Variants in TENM2 observed in about 807,000 individuals in gnomAD.
TENM2 encodes teneurin transmembrane protein 2.
A neutral mutation model predicts 245.2 loss-of-function variants in TENM2; 52 were observed. The ratio of observed to expected loss-of-function variants is 0.21; its 90% CI spans 0.17 to 0.27. The LOEUF is 0.27. TENM2 is among the 10% of genes least tolerant of loss of function. TENM2 has a pLI of 1.00. For missense variants in TENM2, 3,046 were observed against 3,666.8 expected (o/e 0.83, Z 4.37); for synonymous variants, 1,363 against 1,438.9 (o/e 0.95, Z 1.19).
chr5:167,607,956 GT>G (rs927247189), intron 2 of TENM2, among the ~76,000 whole-genome samples: 22 of 151,880 alleles, frequency 1.4e-4, no homozygotes, highest in Admixed American at 1.3e-3. Flanking sequence ...CTTTTACCCA[GT>G]TTTTTTTCCC....
chr5:167,301,746 C>T (rs543881826), intron 1 of TENM2, among the ~76,000 whole-genome samples: 178 of 152,222 alleles, frequency 1.2e-3, no homozygotes, highest in Middle Eastern at 0.01. Context: ...AGAGCCTAAA[C>T]GCTATCTGAT....
intron 2 of TENM2, among the ~76,000 whole-genome samples, chr5:167,443,123 A>G (rs1764962467): frequency 6.6e-6 from 1 of 152,180 alleles, no homozygotes; most frequent in Non-Finnish European, 1.5e-5. Context: ...AAGGTTTATT[A>G]TTCTGTGAAA....
At chr5:167,951,028 A>G (rs549876241) in intron 3 of TENM2, among the ~76,000 whole-genome samples, 2 of 152,328 alleles carry the variant, frequency 1.3e-5, no homozygotes, top group East Asian at 1.9e-4. Context: ...TGCGAACTTC[A>G]AGGAACCTGT....
At chr5:167,974,391 A>C (rs549558298) in intron 4 of TENM2, among the ~76,000 whole-genome samples, 1 of 128,110 alleles carries the variant, frequency 7.8e-6, no homozygotes, top group South Asian at 3.1e-4. Context: ...GGAAAGAAGG[A>C]AGGAGGGAGG....
intron 2 of TENM2, among the ~76,000 whole-genome samples, chr5:167,550,084 G>T (rs1772829237): frequency 6.6e-6 from 1 of 152,134 alleles, no homozygotes; most frequent in African/African-American, 2.4e-5. Context: ...CTAACGTTTT[G>T]CCTTCAGTCA....
rs1554115633 is a variant in TENM2 at position 167,776,181 on chromosome 5, A to ACACACACG, written c.503-99798_503-99797insGCACACAC. Among the ~76,000 whole-genome samples, 357 of 151,764 alleles carry ACACACACG rather than the reference A, an allele frequency of 2.4e-3. 1 individual carries two copies. The highest frequency in any genetic ancestry group is 3.8e-3 in the Admixed American group (58 of 15,204). On this transcript the variant is annotated intron_variant, in intron 2 of 28. Transcript: ENST00000518659. The stretch of plus-strand genomic sequence containing the variant: ...AAAATCCACACACACACACACACAC[A>ACACACACG]CACACACACAGAAGAGAAGCATTCT...
intron 9 of TENM2, among the ~76,000 whole-genome samples, chr5:168,117,176 A>G (rs1795143163): frequency 6.6e-6 from 1 of 152,146 alleles, no homozygotes; most frequent in Non-Finnish European, 1.5e-5. Flanking sequence ...GACAATCCCC[A>G]CTGATTTTCC....
chr5:167,813,104 GT>G (rs1766761592), intron 2 of TENM2, among the ~76,000 whole-genome samples: 1 of 152,174 alleles, frequency 6.6e-6, no homozygotes. Flanking sequence ...GCACTGGAAA[GT>G]ACCCGACTTT....
the TENM2 span, among the ~76,000 whole-genome samples, chr5:167,088,226 T>A: frequency 6.6e-6 from 1 of 152,182 alleles, no homozygotes; most frequent in Non-Finnish European, 1.5e-5. Context: ...AAAGTGAAAA[T>A]AGTCCTGTAT....
At chr5:168,022,841 G>C (rs1423451704) in intron 5 of TENM2, among the ~76,000 whole-genome samples, 1 of 152,126 alleles carries the variant, frequency 6.6e-6, no homozygotes, top group Admixed American at 6.5e-5. Context: ...CTCTGAGATT[G>C]GGGACTCAGG....
chr5:167,875,917 A>T, intron 2 of TENM2, 69 bp from the exon 5 acceptor site: 1 of 1,012,066 alleles, frequency 9.9e-7, no homozygotes, highest in Non-Finnish European at 1.5e-6. Flanking sequence ...GCTGGTTTCA[A>T]TGTAACTTTC....
intron 2 of TENM2, among the ~76,000 whole-genome samples, chr5:167,700,949 T>TAA (rs781480259): frequency 0.073 from 5,798 of 79,740 alleles, 377 homozygotes; most frequent in African/African-American, 0.14. Context: ...TTATATTTCT[T>TAA]AAAAAAAAAA....
chr5:167,223,743 T>G, the TENM2 span, among the ~76,000 whole-genome samples: 7 of 152,188 alleles, frequency 4.6e-5, no homozygotes, highest in Non-Finnish European at 1.0e-4. Context: ...AGCTCTATTT[T>G]TAGTTTTTTG....
chr5:167,324,137 T>C (rs1247279970), intron 1 of TENM2, among the ~76,000 whole-genome samples: 4 of 152,192 alleles, frequency 2.6e-5, no homozygotes, highest in Admixed American at 1.3e-4. Context: ...AGATTAGATA[T>C]AAGTTACATG....
the TENM2 span, among the ~76,000 whole-genome samples, chr5:167,066,067 G>A: frequency 3.9e-5 from 6 of 152,118 alleles, no homozygotes; most frequent in Non-Finnish European, 7.3e-5. Flanking sequence ...TGGGTGGTGT[G>A]AGTGCTGGGC....
chr5:167,069,796 T>C, the TENM2 span, among the ~76,000 whole-genome samples: 1 of 152,194 alleles, frequency 6.6e-6, no homozygotes, highest in Non-Finnish European at 1.5e-5. Flanking sequence ...CTAAAAAATA[T>C]TCAAAAATAA....
At position 168,195,164 on chromosome 5, in the gene TENM2, T is replaced by C. The variant is rs1435537853; in HGVS notation, c.2781-12T>C. ...CATGTGGCTCAAAGACCTCTGTTTC[T>C]GTCTTTCTCAGCTTGGTTTCTCTCA... On this transcript the variant is annotated splice_polypyrimidine_tract_variant and intron_variant, in intron 14 of 28. Coordinates refer to ENST00000518659, the Ensembl canonical transcript of TENM2. 1 of 1,583,234 alleles carries C rather than the reference T, an allele frequency of 6.3e-7. No individual in the cohort carries two copies. Among genetic ancestry groups the C allele is most frequent in the Non-Finnish European group, 8.6e-7 (1 of 1,162,462 alleles).
the TENM2 span, among the ~76,000 whole-genome samples, chr5:166,992,572 G>C: frequency 6.6e-5 from 10 of 152,130 alleles, no homozygotes; most frequent in African/African-American, 2.4e-4. Context: ...TCCAGCTTTT[G>C]AATGAAGCAA....
chr5:167,680,938 T>C (rs1236188426), intron 2 of TENM2, among the ~76,000 whole-genome samples: 1 of 152,182 alleles, frequency 6.6e-6, no homozygotes, highest in Non-Finnish European at 1.5e-5. Context: ...TTGAATGATG[T>C]TGTTTTTAGT....
Sources: allele counts gnomAD v4.1 joint callset (sites outside exome capture counted in the v4.1 genomes callset), GRCh38; gene constraint gnomAD v4.1.1; transcripts MANE v1.5; gene names NCBI Gene and HGNC (gene_info 2026-07-23, HGNC 2026-07-21).